The following DENR variants were observed in gnomAD, a reference collection of about 807,000 sequenced individuals.
DENR encodes the protein density regulated re-initiation and release factor.
DENR carries 6 observed loss-of-function variants against 30.6 expected under a neutral mutation model. The ratio of observed to expected loss-of-function variants is 0.20; its 90% CI spans 0.11 to 0.39. The LOEUF (loss-of-function observed/expected upper bound fraction) is 0.39, where lower values mean the gene tolerates loss of function less well. Ranked by LOEUF, DENR falls within the 10% of genes least tolerant of loss-of-function variation. The pLI is 1.00. For missense variants in DENR, 141 were observed against 230.9 expected, an observed-to-expected ratio of 0.61 and a Z score of 2.52; for synonymous variants, 78 against 72.1, an observed-to-expected ratio of 1.08 and a Z score of -0.41.
intron 2 of DENR, among the ~76,000 whole-genome samples, chr12:122,756,563 C>T (rs1298751702): frequency 1.3e-5 from 2 of 152,262 alleles, no homozygotes; most frequent in East Asian, 3.9e-4. Context: ...CAACCACAGC[C>T]AAATGGGGAT....
intron 2 of DENR, among the ~76,000 whole-genome samples, chr12:122,760,127 C>T (rs1726959352): frequency 1.3e-5 from 2 of 152,140 alleles, no homozygotes; most frequent in South Asian, 4.1e-4. Flanking sequence ...TGCTTGTTTA[C>T]TTTGTGTAAC....
chr12:122,757,700 G>A (rs1566058911), intron 2 of DENR, among the ~76,000 whole-genome samples: 1 of 152,156 alleles, frequency 6.6e-6, no homozygotes, highest in Non-Finnish European at 1.5e-5. Context: ...GTTCATTGTG[G>A]TTGGACCATG....
At chr12:122,760,558 C>T (rs1012480967) in intron 2 of DENR, among the ~76,000 whole-genome samples, 5 of 151,742 alleles carry the variant, frequency 3.3e-5, no homozygotes, top group South Asian at 4.2e-4. Flanking sequence ...TGTGAAACCC[C>T]GTCTTTACTA....
chr12:122,763,556 C>G (rs977291078), intron 4 of DENR, among the ~76,000 whole-genome samples: 1 of 151,704 alleles, frequency 6.6e-6, no homozygotes, highest in Non-Finnish European at 1.5e-5. Context: ...AAATACAAAG[C>G]TGGGCGTGGT....
chr12:122,756,175 G>GCGGTGGCTCACACCTGTAATCCAAGCA (rs1878544361), intron 2 of DENR, among the ~76,000 whole-genome samples: 2 of 152,168 alleles, frequency 1.3e-5, no homozygotes, highest in South Asian at 4.1e-4. Flanking sequence ...TAGGCCAGGC[G>GCGGTGGCTCACACCTGTAATCCAAGCA]CGGTGGCTCA....
intron 4 of DENR, among the ~76,000 whole-genome samples, chr12:122,763,971 A>G (rs1222859159): frequency 2.6e-5 from 4 of 152,196 alleles, no homozygotes; most frequent in Non-Finnish European, 4.4e-5. Context: ...GATTTTGCTG[A>G]AAAGGTGGCA....
intron 5 of DENR, among the ~76,000 whole-genome samples, chr12:122,766,054 A>T (rs1175464688): frequency 6.6e-6 from 1 of 151,854 alleles, no homozygotes; most frequent in South Asian, 2.1e-4. Flanking sequence ...CATCTTCAAA[A>T]AAAAAAAAAA....
At chr12:122,767,126 T>C (rs1878872051) in intron 5 of DENR, among the ~76,000 whole-genome samples, 1 of 152,248 alleles carries the variant, frequency 6.6e-6, no homozygotes. Flanking sequence ...TAGGAAACTT[T>C]CTGTGTCCTC....
intron 2 of DENR, among the ~76,000 whole-genome samples, chr12:122,756,203 CT>C (rs1239624431): frequency 2.0e-5 from 3 of 152,188 alleles, no homozygotes; most frequent in African/African-American, 7.2e-5. Flanking sequence ...AATCCAAGCA[CT>C]TTGGGAGGCC....
chr12:122,764,670 A>G (rs556211412), intron 4 of DENR, among the ~76,000 whole-genome samples: 1 of 152,296 alleles, frequency 6.6e-6, no homozygotes, highest in African/African-American at 2.4e-5. Context: ...GTTTTCTCAT[A>G]TTGATGGCTT....
intron 5 of DENR, 116 bp from the exon 6 acceptor site, chr12:122,767,372 G>T: frequency 3.0e-6 from 2 of 659,526 alleles, no homozygotes; most frequent in Non-Finnish European, 4.9e-6. Context: ...GATGTGTTTA[G>T]TAATTTTTGT....
intron 4 of DENR, 44 bp downstream of exon 4, chr12:122,762,973 C>A: frequency 1.9e-6 from 2 of 1,046,716 alleles, no homozygotes; most frequent in Non-Finnish European, 1.4e-6. Flanking sequence ...GTACCTGAGA[C>A]AAATGCATGT....
chr12:122,769,994 A>C lies in DENR; in HGVS notation c.*916A>C, dbSNP rs1332970004. 1.3e-5 allele frequency: 2 copies of C among 152,570 alleles called. No individual in the cohort carries two copies. The highest frequency in any genetic ancestry group is 2.4e-5 in the African/African-American group (1 of 41,424). 9.5% of individuals were successfully genotyped at this position (152,570 alleles called of 1,614,324 possible). ...TGTGATAGTTTTGAGATGGGTGAGA[A>C]TCTAATAGATCTGTGGTTGAATTTG... On this transcript the variant is annotated 3_prime_UTR_variant, in exon 8 of 8. Transcript: ENST00000280557.
intron 5 of DENR, among the ~76,000 whole-genome samples, chr12:122,766,692 G>A (rs1878858358): frequency 6.6e-6 from 1 of 152,106 alleles, no homozygotes; most frequent in African/African-American, 2.4e-5. Context: ...AGAGCCCTGA[G>A]AACCATCTTA....
chr12:122,765,204 A>T (rs1593763477), intron 4 of DENR, 100 bp from the exon 5 acceptor site: 2 of 845,138 alleles, frequency 2.4e-6, no homozygotes, highest in East Asian at 2.7e-5. Context: ...AGCTGTTGGT[A>T]AGATGCCTTA....
At position 122,769,309 on chromosome 12, in the gene DENR, C is replaced by CATATATGTATACATACATACACAT. The variant is rs34625739; in HGVS notation, c.*235_*236insATGTATACATACATACACATATAT. On this transcript the variant is annotated 3_prime_UTR_variant, in exon 8 of 8. Transcript: ENST00000280557. ...ACACATATATGTATACATATATACA[C>CATATATGTATACATACATACACAT]ATATGTATACATATATATATATTCT... 1.4e-6 allele frequency: 1 copy of CATATATGTATACATACATACACAT among 737,790 alleles called. No individual in the cohort carries two copies. The highest frequency in any genetic ancestry group is 2.2e-5 in the African/African-American group (1 of 46,414). 45.7% of individuals were successfully genotyped at this position (737,790 alleles called of 1,614,324 possible). A position where few individuals can be genotyped will look rare whatever the true frequency, so the allele number is the denominator to read the frequency against.
intron 2 of DENR, 117 bp downstream of exon 2, chr12:122,753,924 G>C (rs566919026): frequency 2.3e-6 from 2 of 864,868 alleles, no homozygotes; most frequent in Middle Eastern, 3.3e-4. Flanking sequence ...AGTTTGTACT[G>C]GGGGAGAGGA....
Position 122,769,236 on chromosome 12 carries a change from A to ATG in DENR, c.*160_*161dup. 1 of 696,438 alleles carries ATG rather than the reference A, an allele frequency of 1.4e-6. No individual in the cohort carries two copies. Among genetic ancestry groups the ATG allele is most frequent in the Non-Finnish European group, 1.7e-6 (1 of 582,740 alleles). 43.1% of individuals were successfully genotyped at this position (696,438 alleles called of 1,614,324 possible). On this transcript the variant is annotated 3_prime_UTR_variant, in exon 8 of 8. Transcript: ENST00000280557. ...TACACATGTATATATACATGTGTGT[A>ATG]TGTATACATGTATATATATATACAT...
At chr12:122,766,846 C>T (rs892522195) in intron 5 of DENR, among the ~76,000 whole-genome samples, 1 of 152,144 alleles carries the variant, frequency 6.6e-6, no homozygotes, top group African/African-American at 2.4e-5. Context: ...CTGTAGGGGC[C>T]TTTCTATCAG....
Sources: gnomAD v4.1 joint callset for allele counts (sites outside exome capture counted in the v4.1 genomes callset) on GRCh38, gnomAD v4.1.1 for gene constraint, MANE v1.5 for transcripts, NCBI Gene and HGNC (gene_info 2026-07-23, HGNC 2026-07-21) for gene names.